Variants in ZBTB16 observed in about 807,000 individuals in gnomAD.
The protein encoded by ZBTB16 is zinc finger and BTB domain-containing protein 16.
A neutral mutation model predicts 56.8 loss-of-function variants in ZBTB16; 8 were observed. The observed-to-expected ratio is 0.14, with a 90% CI of 0.08 to 0.25. The LOEUF is 0.25. Ranked by LOEUF, ZBTB16 falls within the 10% of genes least tolerant of loss-of-function variation. The probability of loss-of-function intolerance (pLI) is 1.00; values close to 1 mark genes in which losing one functional copy is unlikely to be tolerated. For missense variants in ZBTB16, 625 were observed against 903.0 expected (o/e 0.69, Z 3.95); for synonymous variants, 363 against 368.5 (o/e 0.98, Z 0.17).
chr11:114,067,558 C>T (rs1264980843), intron 2 of ZBTB16, among the ~76,000 whole-genome samples: 1 of 152,162 alleles, frequency 6.6e-6, no homozygotes, highest in African/African-American at 2.4e-5. Flanking sequence ...AGATGTGTAC[C>T]ACCATGCCCG....
chr11:114,178,233 C>T (rs1943166005), intron 3 of ZBTB16, among the ~76,000 whole-genome samples: 1 of 152,144 alleles, frequency 6.6e-6, no homozygotes, highest in Non-Finnish European at 1.5e-5. Flanking sequence ...TATTTTATCT[C>T]CTGATGACAA....
At chr11:114,225,181 A>C (rs576980253) in intron 4 of ZBTB16, among the ~76,000 whole-genome samples, 1 of 152,296 alleles carries the variant, frequency 6.6e-6, no homozygotes, top group South Asian at 2.1e-4. Context: ...AAGGAAAGGC[A>C]TTCTAGGGAG....
rs1944956646 is a variant in ZBTB16, at chr11:114,253,841, A to T, written c.*3286A>T. On this transcript the variant is annotated 3_prime_UTR_variant, in exon 7 of 7. Transcript: ENST00000335953. Reference sequence around the variant, plus strand: ...ATGTGTCTGGAGTTAAGGGGAGAGGAGGAGGGTAGACAGGGGTCTCTCCCC... The same window carrying T: ...ATGTGTCTGGAGTTAAGGGGAGAGGTGGAGGGTAGACAGGGGTCTCTCCCC... Among the ~76,000 whole-genome samples the T allele has an allele frequency of 1.3e-5, 2 of 152,168 alleles. No homozygotes were observed. The highest frequency in any genetic ancestry group is 4.8e-5 in the African/African-American group (2 of 41,430).
chr11:114,169,405 G>A lies in ZBTB16; in HGVS notation c.1366+12971G>A, dbSNP rs78552656. 9.1e-3 allele frequency among the ~76,000 whole-genome samples: 1,382 copies of A among 152,232 alleles called. 17 individuals carry two copies. The highest frequency in any genetic ancestry group is 0.031 in the African/African-American group (1,307 of 41,538). On this transcript the variant is annotated intron_variant, in intron 3 of 6. Transcript: ENST00000335953. ...ACAGCCTCATCTTCCCCAGGCACGCGCTGGGGATGCTGGAGCTTTCTCTGG... is the reference window on the plus strand; with the variant it reads ...ACAGCCTCATCTTCCCCAGGCACGCACTGGGGATGCTGGAGCTTTCTCTGG...
chr11:114,111,625 A>G (rs1373991302), intron 2 of ZBTB16, among the ~76,000 whole-genome samples: 1 of 152,226 alleles, frequency 6.6e-6, no homozygotes, highest in Non-Finnish European at 1.5e-5. Flanking sequence ...GGCAAACATT[A>G]TGAATGAGAT....
In ZBTB16 at chr11:114,063,576, G is replaced by A. The variant is rs759750105; in HGVS notation, c.276G>A (p.Leu92=). The A allele has an allele frequency of 8.1e-6, 13 of 1,614,124 alleles. No individual in the cohort carries two copies. The highest frequency in any genetic ancestry group is 1.1e-5 in the Non-Finnish European group (13 of 1,180,056). ...TGGAGTATGCATATACAGCCACGCT[G>A]CAAGCCAAGGCGGAGGACCTGGATG... The part of the protein sequence containing the change: ...QILEYAYTAT[L]QAKAEDLDDL... The change falls in exon 2 of 7, where the codon CTG becomes CTA. Residue 92 remains leucine (L), a synonymous_variant. Transcript: ENST00000335953. This position sits in a 1 kb window ranked among gnomAD's most constrained non-coding sequence, Gnocchi z 6.5.
At chr11:114,092,279 T>C (rs950218236) in intron 2 of ZBTB16, among the ~76,000 whole-genome samples, 1 of 152,180 alleles carries the variant, frequency 6.6e-6, no homozygotes, top group African/African-American at 2.4e-5. Flanking sequence ...ATTGGCAGTT[T>C]GGCTTAGGGG....
intron 2 of ZBTB16, among the ~76,000 whole-genome samples, chr11:114,132,029 AG>A (rs1187161205): frequency 1.3e-5 from 2 of 152,166 alleles, no homozygotes; most frequent in African/African-American, 4.8e-5. Flanking sequence ...GGCGGAAGTT[AG>A]GAAGACTGAA....
intron 3 of ZBTB16, among the ~76,000 whole-genome samples, chr11:114,172,410 C>T (rs1233198410): frequency 1.3e-5 from 2 of 152,178 alleles, no homozygotes; most frequent in Admixed American, 1.3e-4. Context: ...TCATTTGAGC[C>T]TCACAAGACC....
chr11:114,138,009 G>A (rs575662574), intron 2 of ZBTB16, among the ~76,000 whole-genome samples: 1 of 152,224 alleles, frequency 6.6e-6, no homozygotes, highest in African/African-American at 2.4e-5. Context: ...GGCGTGGGCT[G>A]TGGGGCCCTT....
chr11:114,150,837 G>A (rs1942261416), intron 2 of ZBTB16, among the ~76,000 whole-genome samples: 1 of 152,212 alleles, frequency 6.6e-6, no homozygotes. Context: ...TGCTTTTGCG[G>A]CTGAGAGCAT....
chr11:114,226,431 C>A lies in ZBTB16; in HGVS notation c.1454-15736C>A, dbSNP rs1012065104. On this transcript the variant is annotated intron_variant, in intron 4 of 6. Coordinates refer to ENST00000335953, the MANE Select transcript of ZBTB16 (RefSeq NM_006006.6). The stretch of plus-strand genomic sequence containing the variant: ...CCTGAGAGAGTCAGCCCTAAGGCCT[C>A]CATCTGCCCCAGCATCAACCCCAGG... Among the ~76,000 whole-genome samples, 4 of 152,152 alleles carry A rather than the reference C, an allele frequency of 2.6e-5. 1 individual carries two copies. The highest frequency in any genetic ancestry group is 2.0e-4 in the Admixed American group (3 of 15,286).
intron 2 of ZBTB16, among the ~76,000 whole-genome samples, chr11:114,119,288 A>G (rs1431710053): frequency 1.3e-5 from 2 of 150,184 alleles, no homozygotes; most frequent in East Asian, 3.9e-4. Flanking sequence ...AAAAAAAAAA[A>G]AAAAGAATTT....
At chr11:114,090,211 G>T in intron 2 of ZBTB16, among the ~76,000 whole-genome samples, 1 of 152,238 alleles carries the variant, frequency 6.6e-6, no homozygotes, top group East Asian at 1.9e-4. Context: ...ATATTCTGTG[G>T]ATGGTTAGGG....
At chr11:114,144,831 A>T (rs1027545590) in intron 2 of ZBTB16, among the ~76,000 whole-genome samples, 1 of 152,208 alleles carries the variant, frequency 6.6e-6, no homozygotes, top group South Asian at 2.1e-4. Flanking sequence ...TTGAGCTGGG[A>T]TCCCTCTTAT....
intron 2 of ZBTB16, among the ~76,000 whole-genome samples, chr11:114,128,084 C>T (rs924087036): frequency 6.6e-6 from 1 of 152,186 alleles, no homozygotes; most frequent in Admixed American, 6.5e-5. Context: ...GCCTTTCTTG[C>T]TCAGTTTGAT....
chr11:114,092,947 T>C (rs1940244890), intron 2 of ZBTB16, among the ~76,000 whole-genome samples: 1 of 152,128 alleles, frequency 6.6e-6, no homozygotes, highest in Non-Finnish European at 1.5e-5. Flanking sequence ...TCCAGAAGAA[T>C]ATTTGAAGGA....
At chr11:114,075,542 C>T (rs112482563) in intron 2 of ZBTB16, among the ~76,000 whole-genome samples, 27 of 151,736 alleles carry the variant, frequency 1.8e-4, no homozygotes, top group African/African-American at 4.9e-4. Context: ...CTGCAACTTC[C>T]GCCTCCTGGG....
In ZBTB16 at chr11:114,089,670, A is replaced by G. The variant is rs750837000; in HGVS notation, c.1268+25102A>G. On this transcript the variant is annotated intron_variant, in intron 2 of 6. Coordinates refer to ENST00000335953, the MANE Select transcript of ZBTB16 (RefSeq NM_006006.6). ...TGAAGTAGCTGGCAAGGAGGCAAAGAAGATGATGACCTAGCTACGGTCCTC... is the reference window on the plus strand; with the variant it reads ...TGAAGTAGCTGGCAAGGAGGCAAAGGAGATGATGACCTAGCTACGGTCCTC... 8.6e-4 allele frequency among the ~76,000 whole-genome samples: 131 copies of G among 152,220 alleles called. 2 individuals are homozygous for G. Among genetic ancestry groups the G allele is most frequent in the African/African-American group, 3.1e-3 (127 of 41,460 alleles).
Sources: gnomAD v4.1 joint callset for allele counts (sites outside exome capture counted in the v4.1 genomes callset) on GRCh38, gnomAD v4.1.1 for gene constraint, Gnocchi (gnomAD v3.1) non-coding constraint, MANE v1.5 for transcripts, NCBI Gene and HGNC (gene_info 2026-07-23, HGNC 2026-07-21) for gene names.